Variants in WNT2 observed in about 807,000 individuals in gnomAD.
WNT2 encodes the protein Wnt family member 2.
Under a neutral mutation model 36.9 loss-of-function variants are expected in WNT2, and 12 were observed. That is an observed-to-expected ratio of 0.33 (90% CI 0.21 to 0.53). WNT2 has a LOEUF of 0.53. WNT2 is among the 20% of genes least tolerant of loss of function. The pLI is 0.95. For synonymous variants in WNT2, 163 were observed against 174.6 expected (o/e 0.93, Z 0.52); for missense variants, 379 against 473.1 (o/e 0.80, Z 1.84).
intron 4 of WNT2, among the ~76,000 whole-genome samples, chr7:117,279,216 T>A (rs1794437645): frequency 6.6e-6 from 1 of 152,252 alleles, no homozygotes; most frequent in South Asian, 2.1e-4. Context: ...CTTTTATTCA[T>A]TTACTCTATT....
chr7:117,321,472 A>G (rs1356993894), intron 1 of WNT2, among the ~76,000 whole-genome samples: 1 of 152,250 alleles, frequency 6.6e-6, no homozygotes, highest in Non-Finnish European at 1.5e-5. Context: ...ATAACTCCAT[A>G]AAGTACTTTT....
Position 117,297,814 on chromosome 7 carries a change from G to T in WNT2, c.651C>A (p.Leu217=). The change falls in exon 4 of 5, where the codon CTC becomes CTA. Residue 217 remains leucine, a synonymous_variant. Transcript: ENST00000265441. ...CGGCCATGGCCAGCCAGCATGTCCT[G>T]AGAGTACATGAGCCGCTCACCCCGT... ...KCHGVSGSCT[L]RTCWLAMADF... The T allele has an allele frequency of 6.2e-7, 1 of 1,614,168 alleles. No individual in the cohort carries two copies. Among genetic ancestry groups the T allele is most frequent in the Non-Finnish European group, 8.5e-7 (1 of 1,180,026 alleles).
In WNT2 at chr7:117,281,146, A is replaced by G. The variant is rs548252001; in HGVS notation, c.854-2762T>C. The stretch of plus-strand genomic sequence containing the variant: ...CCTTCTGGCAGAAATTCTGAGGGCA[A>G]GTTCACAACAGACTGCTGATTCAGG... On this transcript the variant is annotated intron_variant, in intron 4 of 4. Coordinates refer to ENST00000265441, the MANE Select transcript of WNT2 (RefSeq NM_003391.3). 3.3e-5 allele frequency among the ~76,000 whole-genome samples: 5 copies of G among 152,344 alleles called. No homozygotes were observed. The South Asian group carries it at 6.2e-4, about 19-fold the overall frequency.
rs139717244 is a variant in WNT2 at position 117,312,878 on chromosome 7, T to C, written c.588+2193A>G. ...ATGAATGGCAGTGATGAATTCTGAC[T>C]TTTAACATTAGCTAAACAGAGCAAT... On this transcript the variant is annotated intron_variant, in intron 3 of 4. Transcript: ENST00000265441. 2.8e-3 allele frequency among the ~76,000 whole-genome samples: 421 copies of C among 152,344 alleles called. 1 individual carries two copies. The highest frequency in any genetic ancestry group is 9.9e-3 in the African/African-American group (410 of 41,578).
At chr7:117,317,381 T>G (rs1795242605) in intron 2 of WNT2, among the ~76,000 whole-genome samples, 1 of 152,234 alleles carries the variant, frequency 6.6e-6, no homozygotes, top group African/African-American at 2.4e-5. Context: ...AATATGACTT[T>G]TCTAAATATT....
At position 117,297,772 on chromosome 7, in the gene WNT2, G is replaced by T; in HGVS notation, c.693C>A (p.Gly231=). The change falls in exon 4 of 5, where the codon GGC becomes GGA. Residue 231 remains glycine (G), a synonymous_variant. Coordinates refer to ENST00000265441, the MANE Select transcript of WNT2 (RefSeq NM_003391.3). ...WLAMADFRKT[G]DYLWRKYNGA... ...CATTGTACTTCCTCCAGAGATAATC[G>T]CCCGTTTTCCTGAAGTCGGCCATGG... 1.9e-6 allele frequency: 3 copies of T among 1,614,086 alleles called. No homozygotes were observed. The highest frequency in any genetic ancestry group is 2.2e-5 in the South Asian group (2 of 91,076).
rs200707702 is a variant in WNT2 at position 117,297,776 on chromosome 7, G to A, written c.689C>T (p.Thr230Met). Reference protein sequence around the residue: ...CWLAMADFRKTGDYLWRKYNG... With the variant: ...CWLAMADFRKMGDYLWRKYNG... ...GTACTTCCTCCAGAGATAATCGCCC[G>A]TTTTCCTGAAGTCGGCCATGGCCAG... The change falls in exon 4 of 5, where the codon ACG (threonine) becomes ATG (methionine). Residue 230 changes from threonine (T) to methionine (M), a missense_variant. Physicochemically the swap from Thr to Met is moderately conservative, Grantham distance 81 (BLOSUM62 -1). Transcript: ENST00000265441. 38 of 1,614,076 alleles carry A rather than the reference G, an allele frequency of 2.4e-5. No homozygotes were observed. In the Admixed American group the frequency reaches 2.7e-4, roughly 11 times the overall value.
chr7:117,322,556 C>CACAG lies in WNT2; in HGVS notation c.83+350_83+351insCTGT, dbSNP rs1478806075. Among the ~76,000 whole-genome samples, 1 of 151,690 alleles carries CACAG rather than the reference C, an allele frequency of 6.6e-6. No individual in the cohort carries two copies. The highest frequency in any genetic ancestry group is 2.4e-5 in the African/African-American group (1 of 41,256). On this transcript the variant is annotated intron_variant, in intron 1 of 4. Transcript: ENST00000265441. This position sits in a 1 kb window ranked among gnomAD's most constrained non-coding sequence, Gnocchi z 5.4. Reference sequence around the variant, plus strand: ...GAATTTACACACACACACACACACACACACACACACACACACGTCTGTGCT... The same window carrying CACAG: ...GAATTTACACACACACACACACACACACAGACACACACACACACACGTCTGTGCT...
Position 117,278,120 on chromosome 7 carries a change from G to A in WNT2, c.*35C>T, listed in dbSNP as rs1283542265. 1 of 1,607,916 alleles carries A rather than the reference G, an allele frequency of 6.2e-7. No homozygotes were observed. Among genetic ancestry groups the A allele is most frequent in the African/African-American group, 1.3e-5 (1 of 74,868 alleles). ...TTCTTGCAGATCCAATGGAGTCCTTGTAGAAGGGAAGGTGGATGGTGACGC... is the reference window on the plus strand; with the variant it reads ...TTCTTGCAGATCCAATGGAGTCCTTATAGAAGGGAAGGTGGATGGTGACGC... On this transcript the variant is annotated 3_prime_UTR_variant, in exon 5 of 5. Transcript: ENST00000265441.
chr7:117,307,857 A>G (rs961286568), intron 3 of WNT2, among the ~76,000 whole-genome samples: 2 of 152,192 alleles, frequency 1.3e-5, no homozygotes, highest in African/African-American at 4.8e-5. Context: ...TGTCTTAGAA[A>G]TCCTAGTTAG....
intron 3 of WNT2, among the ~76,000 whole-genome samples, chr7:117,299,898 C>A (rs1384088126): frequency 6.6e-6 from 1 of 152,108 alleles, no homozygotes; most frequent in Non-Finnish European, 1.5e-5. Context: ...AAAATTGGAT[C>A]TTAAAAATAA....
chr7:117,320,504 A>G, intron 2 of WNT2, 63 bp downstream of exon 2: 1 of 1,472,400 alleles, frequency 6.8e-7, no homozygotes. Context: ...GTCTTTGAAG[A>G]TGGAGTGAGG....
At chr7:117,309,730 G>T (rs1013407648) in intron 3 of WNT2, among the ~76,000 whole-genome samples, 1 of 152,134 alleles carries the variant, frequency 6.6e-6, no homozygotes, top group Non-Finnish European at 1.5e-5. Flanking sequence ...CCTCCATAAT[G>T]CCTCAGTCAA....
chr7:117,282,584 A>G (rs771776128), intron 4 of WNT2, among the ~76,000 whole-genome samples: 7 of 152,188 alleles, frequency 4.6e-5, no homozygotes, highest in Non-Finnish European at 1.0e-4. Context: ...GGAGCAGGAA[A>G]GTGTTCCCTG....
chr7:117,300,527 C>T (rs1181973493), intron 3 of WNT2, among the ~76,000 whole-genome samples: 6 of 152,112 alleles, frequency 3.9e-5, no homozygotes, highest in East Asian at 2.0e-4. Context: ...GGTGGGGGCA[C>T]GGTGGCTTAT....
intron 4 of WNT2, among the ~76,000 whole-genome samples, chr7:117,285,446 T>C (rs1009190439): frequency 4.6e-5 from 7 of 152,248 alleles, no homozygotes; most frequent in Admixed American, 1.3e-4. Flanking sequence ...CATCAATTTG[T>C]ATCTCATCAA....
intron 1 of WNT2, among the ~76,000 whole-genome samples, chr7:117,321,570 A>C (rs762922782): frequency 3.3e-5 from 5 of 152,216 alleles, no homozygotes; most frequent in Non-Finnish European, 5.9e-5. Context: ...GGTACCTTTT[A>C]TATAACCCAA....
At chr7:117,318,444 G>T (rs1297870255) in intron 2 of WNT2, among the ~76,000 whole-genome samples, 2 of 152,206 alleles carry the variant, frequency 1.3e-5, no homozygotes, top group African/African-American at 4.8e-5. Context: ...AGCATGAGTG[G>T]TTTAAGTTCT....
At position 117,278,335 on chromosome 7, in the gene WNT2, C is replaced by T. The variant is rs748154962; in HGVS notation, c.903G>A (p.Met301Ile). ...CACAGCACATGACTTCACAGCTGTC[C>T]ATGCCCCGGGAAGTCAGGTTGCACA... Reference protein sequence around the residue: ...GRVCNLTSRGMDSCEVMCCGR... With the variant: ...GRVCNLTSRGIDSCEVMCCGR... The change falls in exon 5 of 5, where the codon ATG (methionine) becomes ATA (isoleucine). Residue 301 changes from methionine (M) to isoleucine (I), a missense_variant. Physicochemically the swap from Met to Ile is conservative, Grantham distance 10 (BLOSUM62 1). Transcript: ENST00000265441. 2.5e-6 allele frequency: 4 copies of T among 1,614,038 alleles called. No homozygotes were observed. Among genetic ancestry groups the T allele is most frequent in the Admixed American group, 3.3e-5 (2 of 59,998 alleles).
Sources: allele counts gnomAD v4.1 joint callset (sites outside exome capture counted in the v4.1 genomes callset), GRCh38; gene constraint gnomAD v4.1.1; non-coding constraint Gnocchi (gnomAD v3.1); transcripts MANE v1.5; gene names NCBI Gene and HGNC (gene_info 2026-07-23, HGNC 2026-07-21).